Variants in CERS3 observed in about 807,000 individuals in gnomAD.
CERS3 encodes ceramide synthase 3, also known as LAG1 homolog, ceramide synthase 3.
A neutral mutation model predicts 50.3 loss-of-function variants in CERS3; 33 were observed. The ratio of observed to expected loss-of-function variants is 0.66; its 90% confidence interval spans 0.50 to 0.88. The LOEUF is 0.88. Among genes scored for constraint, CERS3 ranks in the 40% least tolerant of loss-of-function variants. CERS3 has a pLI of 0.00. For missense variants in CERS3, 470 were observed against 460.3 expected, an observed-to-expected ratio of 1.02 and a Z score of -0.19; for synonymous variants, 176 against 155.2, an observed-to-expected ratio of 1.13 and a Z score of -0.99.
chr15:100,513,381 T>A (rs2036402187), intron 2 of CERS3, among the ~76,000 whole-genome samples: 1 of 152,160 alleles, frequency 6.6e-6, no homozygotes, highest in African/African-American at 2.4e-5. Context: ...TGCACTCTCC[T>A]GTAACTGAGA....
At chr15:100,530,649 T>A (rs750986285), upstream of CERS3, among the ~76,000 whole-genome samples, 6 of 152,256 alleles carry the variant, frequency 3.9e-5, no homozygotes, top group Non-Finnish European at 8.8e-5. Context: ...GGAGCTCAGC[T>A]GTTCAATACT....
intron 11 of CERS3, among the ~76,000 whole-genome samples, chr15:100,445,829 A>G (rs2142167435): frequency 6.6e-6 from 1 of 152,316 alleles, no homozygotes; most frequent in South Asian, 2.1e-4. Flanking sequence ...AGGCTAAGCC[A>G]TCATATCCCC....
intron 11 of CERS3, among the ~76,000 whole-genome samples, chr15:100,430,426 C>G (rs2033067602): frequency 6.6e-6 from 1 of 152,138 alleles, no homozygotes; most frequent in Non-Finnish European, 1.5e-5. Context: ...ACTAAATGAA[C>G]AATCTTTGCC....
At chr15:100,523,730 G>A (rs959522935) in intron 1 of CERS3, among the ~76,000 whole-genome samples, 1 of 149,270 alleles carries the variant, frequency 6.7e-6, no homozygotes, top group Non-Finnish European at 1.5e-5. Flanking sequence ...AGAAATCACT[G>A]TCTACCCAAG....
chr15:100,532,302 T>C (rs549044267), upstream of CERS3, among the ~76,000 whole-genome samples: 1 of 152,338 alleles, frequency 6.6e-6, no homozygotes, highest in East Asian at 1.9e-4. Context: ...AAGGAAGGAA[T>C]CCCTTCCAAG....
intron 4 of CERS3, among the ~76,000 whole-genome samples, chr15:100,490,252 A>C (rs2035611850): frequency 6.6e-6 from 1 of 152,170 alleles, no homozygotes; most frequent in South Asian, 2.1e-4. Context: ...AGTGCACTAC[A>C]ACATAAATGA....
At chr15:100,544,037 C>A (rs1376568137) in intron 1 of CERS3, 1 of 152,248 alleles carries the variant, frequency 6.6e-6, no homozygotes, top group South Asian at 2.1e-4. Flanking sequence ...AGTGGAATCA[C>A]GTCCAGGCCT....
intron 7 of CERS3, among the ~76,000 whole-genome samples, chr15:100,478,440 C>A (rs2142262296): frequency 6.6e-6 from 1 of 152,224 alleles, no homozygotes; most frequent in East Asian, 1.9e-4. Flanking sequence ...TTATGACTCA[C>A]AGTAATAGCA....
chr15:100,495,605 C>A (rs930193234), intron 3 of CERS3, among the ~76,000 whole-genome samples: 1 of 152,082 alleles, frequency 6.6e-6, no homozygotes, highest in African/African-American at 2.4e-5. Context: ...TTGCTCAAAT[C>A]TTTTGCCTAT....
chr15:100,503,825 G>A (rs2036083588), intron 2 of CERS3: 2 of 454,690 alleles, frequency 4.4e-6, no homozygotes, highest in East Asian at 1.4e-4. Flanking sequence ...CCAGAGCAGT[G>A]GGGACCAGAG....
At chr15:100,529,815 G>A (rs1053327324), upstream of CERS3, among the ~76,000 whole-genome samples, 1 of 152,164 alleles carries the variant, frequency 6.6e-6, no homozygotes, top group Non-Finnish European at 1.5e-5. Flanking sequence ...CCCACACTGA[G>A]AGCCTGATTC....
chr15:100,523,719 A>T (rs1033868404), intron 1 of CERS3, among the ~76,000 whole-genome samples: 6 of 151,462 alleles, frequency 4.0e-5, no homozygotes, highest in Non-Finnish European at 8.8e-5. Flanking sequence ...AAAAAAAAAA[A>T]AGAAATCACT....
intron 10 of CERS3, among the ~76,000 whole-genome samples, chr15:100,467,850 T>TAGATAG (rs1555528324): frequency 0.02 from 1,840 of 93,124 alleles, 56 homozygotes; most frequent in Middle Eastern, 0.029. Context: ...TATATATATA[T>TAGATAG]ATAGATAGAT....
chr15:100,449,600 G>A (rs7180693), intron 11 of CERS3, among the ~76,000 whole-genome samples: 77,530 of 151,964 alleles, frequency 0.51, 20,179 homozygotes, highest in Non-Finnish European at 0.57. Context: ...ACTGCACCCT[G>A]AGCCAATGAA....
chr15:100,505,694 C>T (rs2036155745), intron 2 of CERS3, among the ~76,000 whole-genome samples: 1 of 152,170 alleles, frequency 6.6e-6, no homozygotes, highest in African/African-American at 2.4e-5. Flanking sequence ...TCGAGTTAGG[C>T]AAAGCCTTGT....
At chr15:100,408,895 T>G (rs1363439802) in intron 11 of CERS3, 1 of 152,206 alleles carries the variant, frequency 6.6e-6, no homozygotes, top group Non-Finnish European at 1.5e-5. Context: ...GCTATTCTCT[T>G]TATTTTAAAA....
intron 1 of CERS3, among the ~76,000 whole-genome samples, chr15:100,534,089 C>A (rs140096471): frequency 6.6e-6 from 1 of 152,360 alleles, no homozygotes; most frequent in African/African-American, 2.4e-5. Flanking sequence ...ACGACTGTCT[C>A]TCTCAGCTCA....
At chr15:100,501,258 T>C (rs2035987437) in intron 3 of CERS3, among the ~76,000 whole-genome samples, 1 of 152,232 alleles carries the variant, frequency 6.6e-6, no homozygotes, top group Non-Finnish European at 1.5e-5. Flanking sequence ...GAGCCATTTT[T>C]GTTATTTTAT....
chr15:100,524,062 T>C (rs2036716236), intron 1 of CERS3, among the ~76,000 whole-genome samples: 2 of 152,242 alleles, frequency 1.3e-5, no homozygotes, highest in African/African-American at 2.4e-5. Context: ...AGGTTTTTTT[T>C]CTAGCATCTT....
Sources: allele counts gnomAD v4.1 joint callset (sites outside exome capture counted in the v4.1 genomes callset), GRCh38; gene constraint gnomAD v4.1.1; transcripts MANE v1.5; gene names NCBI Gene and HGNC (gene_info 2026-07-23, HGNC 2026-07-21).